DENND5B: variants seen among roughly 807,000 people sequenced by gnomAD.
The protein encoded by DENND5B is DENN domain-containing protein 5B.
In DENND5B, 34 loss-of-function variants were observed where a neutral mutation model predicts 140.6. The ratio of observed to expected loss-of-function variants is 0.24; its 90% CI spans 0.18 to 0.32. DENND5B has a LOEUF of 0.32. Among genes scored for constraint, DENND5B ranks in the 10% least tolerant of loss-of-function variants. The pLI, the probability that DENND5B is intolerant of heterozygous loss-of-function variation, is 1.00. For synonymous variants in DENND5B, 551 were observed against 562.1 expected, an observed-to-expected ratio of 0.98 and a Z score of 0.28; for missense variants, 1,142 against 1,560.2, an observed-to-expected ratio of 0.73 and a Z score of 4.52.
intron 11 of DENND5B, among the ~76,000 whole-genome samples, chr12:31,419,301 T>C (rs1251649834): frequency 6.6e-6 from 1 of 152,182 alleles, no homozygotes; most frequent in Non-Finnish European, 1.5e-5. Context: ...ACTACAAAAA[T>C]AGCCAGATGT....
At chr12:31,401,924 C>G (rs993364992) in intron 15 of DENND5B, among the ~76,000 whole-genome samples, 4 of 152,056 alleles carry the variant, frequency 2.6e-5, no homozygotes, top group African/African-American at 9.7e-5. Context: ...TGCGCCTGGC[C>G]AAAAGGCATT....
chr12:31,541,635 T>C (rs1165169687), intron 1 of DENND5B, among the ~76,000 whole-genome samples: 1 of 152,184 alleles, frequency 6.6e-6, no homozygotes, highest in East Asian at 1.9e-4. Flanking sequence ...GGAGAACAGT[T>C]TGGAGGTTCC....
chr12:31,451,806 T>G, intron 5 of DENND5B, 134 bp downstream of exon 5: 1 of 1,061,066 alleles, frequency 9.4e-7, no homozygotes, highest in Non-Finnish European at 1.3e-6. Context: ...ACAAAAAGTC[T>G]GCATTTAAAA....
intron 7 of DENND5B, among the ~76,000 whole-genome samples, chr12:31,433,611 AAAGT>A (rs1943613789): frequency 6.6e-6 from 1 of 152,170 alleles, no homozygotes; most frequent in African/African-American, 2.4e-5. Context: ...TGACTTGCTC[AAAGT>A]AAATATTATG....
chr12:31,481,868 C>T (rs1231457521), intron 2 of DENND5B, among the ~76,000 whole-genome samples: 1 of 152,036 alleles, frequency 6.6e-6, no homozygotes, highest in East Asian at 1.9e-4. Context: ...AAAGGGGTTC[C>T]AAAGAGGCAG....
At chr12:31,427,499 G>A (rs7302212) in intron 8 of DENND5B, among the ~76,000 whole-genome samples, 1,884 of 151,958 alleles carry the variant, frequency 0.012, 16 homozygotes, top group Middle Eastern at 0.024. Context: ...CCAGCTACTC[G>A]GGAGGCTGAG....
intron 1 of DENND5B, among the ~76,000 whole-genome samples, chr12:31,559,067 A>G (rs781773519): frequency 2.6e-5 from 4 of 152,244 alleles, no homozygotes; most frequent in African/African-American, 7.2e-5. Flanking sequence ...CACTTGGAAC[A>G]TAAGTTCTAA....
chr12:31,433,995 GATAA>G (rs1943632454), intron 7 of DENND5B, among the ~76,000 whole-genome samples: 1 of 152,116 alleles, frequency 6.6e-6, no homozygotes, highest in African/African-American at 2.4e-5. Context: ...CCCATCTCAA[GATAA>G]ATAGAAAGAT....
At chr12:31,415,503 T>C in intron 11 of DENND5B, 55 bp from the exon 12 acceptor site, 1 of 1,382,432 alleles carries the variant, frequency 7.2e-7, no homozygotes, top group Non-Finnish European at 1.0e-6. Flanking sequence ...ATATACATGG[T>C]TCATATTAAA....
intron 1 of DENND5B, chr12:31,499,557 A>G (rs1946924387): frequency 7.2e-7 from 1 of 1,385,852 alleles, no homozygotes; most frequent in African/African-American, 1.5e-5. Flanking sequence ...GCAGTCAATT[A>G]AAATAATGAT....
At chr12:31,496,028 C>G in intron 1 of DENND5B, 109 bp from the exon 2 acceptor site, 2 of 651,706 alleles carry the variant, frequency 3.1e-6, no homozygotes, top group Non-Finnish European at 2.4e-6. Context: ...AGATCTGATT[C>G]AATTTCTGCC....
intron 1 of DENND5B, among the ~76,000 whole-genome samples, chr12:31,547,664 G>A (rs1183495784): frequency 6.6e-6 from 1 of 151,810 alleles, no homozygotes; most frequent in African/African-American, 2.4e-5. Context: ...CAAAATGCTG[G>A]GATTACAGGC....
At chr12:31,488,831 A>G (rs1168251959) in intron 2 of DENND5B, among the ~76,000 whole-genome samples, 3 of 152,148 alleles carry the variant, frequency 2.0e-5, no homozygotes, top group Admixed American at 6.6e-5. Context: ...TCTACTAACA[A>G]TACCCCCTCA....
At chr12:31,578,264 G>A (rs1442720133) in intron 1 of DENND5B, among the ~76,000 whole-genome samples, 1 of 151,052 alleles carries the variant, frequency 6.6e-6, no homozygotes, top group Non-Finnish European at 1.5e-5. Context: ...CCAAAACACT[G>A]TCACATTGTA....
At chr12:31,405,939 G>A (rs943228329) in intron 14 of DENND5B, among the ~76,000 whole-genome samples, 3 of 151,984 alleles carry the variant, frequency 2.0e-5, no homozygotes, top group Non-Finnish European at 4.4e-5. Flanking sequence ...TCCGCCTCCC[G>A]GGTTCAAGCG....
chr12:31,538,137 C>A (rs1358567276), intron 1 of DENND5B, among the ~76,000 whole-genome samples: 1 of 152,082 alleles, frequency 6.6e-6, no homozygotes, highest in African/African-American at 2.4e-5. Flanking sequence ...TAATCTGTAC[C>A]AAATGGACCT....
chr12:31,447,687 A>G lies in DENND5B; in HGVS notation c.1712T>C (p.Ile571Thr), dbSNP rs1055174171. 1 of 1,613,218 alleles carries G rather than the reference A, an allele frequency of 6.2e-7. No individual in the cohort carries two copies. Among genetic ancestry groups the G allele is most frequent in the Non-Finnish European group, 8.5e-7 (1 of 1,179,580 alleles). ...CCACTGAGACATAATTTTATTATCA[A>G]TAAAGGTGGCAAACATCTGTGTTTC... Reference protein sequence around the residue: ...FIETQMFATFIDNKIMSQWEE... With the variant: ...FIETQMFATFTDNKIMSQWEE... The change falls in exon 6 of 21, where the codon ATT (isoleucine) becomes ACT (threonine). Residue 571 changes from isoleucine to threonine, a missense_variant. This residue lies in a region of DENND5B where 708 missense variants were observed against 905.5 expected (regional missense o/e 0.78). Transcript: ENST00000389082.
chr12:31,538,516 G>A (rs1948579940), intron 1 of DENND5B, among the ~76,000 whole-genome samples: 1 of 152,246 alleles, frequency 6.6e-6, no homozygotes, highest in South Asian at 2.1e-4. Flanking sequence ...ATTTAATGAT[G>A]TATATTAAAG....
chr12:31,590,044 G>A (rs1950555376), intron 1 of DENND5B: 1 of 152,278 alleles, frequency 6.6e-6, no homozygotes, highest in Non-Finnish European at 1.5e-5. Context: ...TGTCAACAAA[G>A]CGCGGTGCTG....
Sources: gnomAD v4.1 joint callset for allele counts (sites outside exome capture counted in the v4.1 genomes callset) on GRCh38, gnomAD v4.1.1 for gene constraint, gnomAD v4.1.1 regional missense constraint, MANE v1.5 for transcripts, NCBI Gene and HGNC (gene_info 2026-07-23, HGNC 2026-07-21) for gene names.